The following CCDC12 variants were observed in gnomAD, a reference collection of about 807,000 sequenced individuals.
CCDC12 encodes the protein coiled-coil domain-containing protein 12.
CCDC12 carries 28 observed loss-of-function variants against 25.7 expected under a neutral mutation model. The observed-to-expected ratio is 1.09, with a 90% confidence interval of 0.81 to 1.50. The LOEUF (loss-of-function observed/expected upper bound fraction) is 1.50. Ranked by LOEUF, CCDC12 falls within the 40% of genes most tolerant of loss-of-function variation. The pLI, the probability that CCDC12 is intolerant of heterozygous loss-of-function variation, is 0.00. For missense variants in CCDC12, 198 were observed against 210.0 expected (o/e 0.94, Z 0.35); for synonymous variants, 75 against 87.7 (o/e 0.86, Z 0.81).
At chr3:46,955,199 C>T (rs1192117664) in intron 1 of CCDC12, among the ~76,000 whole-genome samples, 1 of 95,658 alleles carries the variant, frequency 1.0e-5, no homozygotes, top group Non-Finnish European at 2.2e-5. Context: ...TGGACTTGTC[C>T]TCGTGGGCAA....
rs1559545636 is a variant in CCDC12, at chr3:46,922,151, G to A, written c.419-12C>T. On this transcript the variant is annotated splice_polypyrimidine_tract_variant and intron_variant, in intron 6 of 6. Coordinates refer to ENST00000683445, the MANE Select transcript of CCDC12 (RefSeq NM_001277074.2). ...TTTCAGCCTTTCACCTGGGATGGAT[G>A]GCAGACAGAAGGGGTGGGGAGGGGC... 2 of 1,614,290 alleles carry A rather than the reference G, an allele frequency of 1.2e-6. No individual in the cohort carries two copies. Among genetic ancestry groups the A allele is most frequent in the Non-Finnish European group, 1.7e-6 (2 of 1,180,044 alleles).
chr3:46,963,710 G>A (rs374774477), intron 1 of CCDC12, among the ~76,000 whole-genome samples: 60 of 152,102 alleles, frequency 3.9e-4, no homozygotes, highest in Admixed American at 1.0e-3. Flanking sequence ...CGCCAGCCTC[G>A]GCCTCCCGAG....
intron 1 of CCDC12, among the ~76,000 whole-genome samples, chr3:46,943,553 G>C (rs1342000732): frequency 6.6e-6 from 1 of 152,210 alleles, no homozygotes; most frequent in Non-Finnish European, 1.5e-5. Context: ...AGAAGTAGGT[G>C]GGGACTACGG....
chr3:46,971,081 C>T (rs1356460148), intron 1 of CCDC12, among the ~76,000 whole-genome samples: 1 of 151,934 alleles, frequency 6.6e-6, no homozygotes, highest in East Asian at 1.9e-4. Flanking sequence ...AGCATCTCCA[C>T]TCTCACCTCT....
At chr3:46,975,352 T>G (rs2107209811) in intron 1 of CCDC12, among the ~76,000 whole-genome samples, 1 of 151,704 alleles carries the variant, frequency 6.6e-6, no homozygotes, top group African/African-American at 2.4e-5. Flanking sequence ...ACCTGGCTAA[T>G]TTTTGTATTT....
chr3:46,963,461 C>T (rs1386121877), intron 1 of CCDC12, among the ~76,000 whole-genome samples: 1 of 151,774 alleles, frequency 6.6e-6, no homozygotes, highest in Non-Finnish European at 1.5e-5. Context: ...CCCTCTCCCA[C>T]GGTTTCCCTC....
At chr3:46,968,433 G>A (rs899720311) in intron 1 of CCDC12, among the ~76,000 whole-genome samples, 2 of 152,194 alleles carry the variant, frequency 1.3e-5, no homozygotes, top group Non-Finnish European at 2.9e-5. Context: ...AGAGGGTAAA[G>A]AAGAAAGGAC....
At chr3:46,979,664 G>C (rs1161009150), upstream of CCDC12, 2 of 315,864 alleles carry the variant, frequency 6.3e-6, no homozygotes, top group African/African-American at 4.4e-5. Flanking sequence ...GCGGCGGCCG[G>C]CAGTGAGGAG....
intron 1 of CCDC12, among the ~76,000 whole-genome samples, chr3:46,967,912 T>C (rs561553320): frequency 6.6e-6 from 1 of 152,286 alleles, no homozygotes; most frequent in East Asian, 1.9e-4. Context: ...TAAGAATGCA[T>C]GAATTTATAG....
intron 5 of CCDC12, chr3:46,922,618 CAGGGAGTG>C (rs1575532833): frequency 6.6e-6 from 3 of 455,838 alleles, no homozygotes; most frequent in East Asian, 4.4e-5. Context: ...TGGTCACCAT[CAGGGAGTG>C]ACTTGCTCCT....
intron 1 of CCDC12, among the ~76,000 whole-genome samples, chr3:46,952,642 G>A (rs569376042): frequency 6.6e-6 from 1 of 152,116 alleles, no homozygotes; most frequent in African/African-American, 2.4e-5. Context: ...GGGCAGTGCC[G>A]AACCCAAATG....
upstream of CCDC12, among the ~76,000 whole-genome samples, chr3:46,977,733 G>GAAA (rs1474987531): frequency 6.6e-6 from 1 of 152,092 alleles, no homozygotes; most frequent in African/African-American, 2.4e-5. Context: ...AAGTCCTCAG[G>GAAA]GTCAAGTTAC....
intron 2 of CCDC12, among the ~76,000 whole-genome samples, chr3:46,930,915 CTG>C (rs1262665940): frequency 6.6e-6 from 1 of 152,214 alleles, no homozygotes; most frequent in Non-Finnish European, 1.5e-5. Context: ...GGCTGCATGT[CTG>C]TCTTTCACAG....
intron 1 of CCDC12, chr3:46,976,354 C>T (rs1312770194): frequency 2.2e-6 from 3 of 1,354,860 alleles, no homozygotes; most frequent in African/African-American, 1.5e-5. Flanking sequence ...GATACCTACA[C>T]GAGCAACACC....
intron 1 of CCDC12, 71 bp from the exon 2 acceptor site, chr3:46,941,136 C>A: frequency 2.0e-6 from 3 of 1,481,040 alleles, no homozygotes; most frequent in Non-Finnish European, 2.8e-6. Flanking sequence ...GCCCAGGGAG[C>A]TAAAGAACAG....
intron 2 of CCDC12, among the ~76,000 whole-genome samples, chr3:46,936,275 T>C (rs1253499049): frequency 6.6e-6 from 1 of 152,236 alleles, no homozygotes; most frequent in Non-Finnish European, 1.5e-5. Flanking sequence ...CACATTTCCT[T>C]ATTTCTACTC....
intron 2 of CCDC12, among the ~76,000 whole-genome samples, chr3:46,933,271 G>A (rs932144387): frequency 7.2e-5 from 11 of 152,306 alleles, no homozygotes; most frequent in Admixed American, 5.2e-4. Context: ...TACAATTTTA[G>A]GTCACAGGTC....
chr3:46,925,534 C>CT lies in CCDC12; in HGVS notation c.165_166insA (p.Glu56ArgfsTer3). 6.4e-7 allele frequency: 1 copy of CT among 1,572,962 alleles called. No individual in the cohort carries two copies. The highest frequency in any genetic ancestry group is 8.7e-7 in the Non-Finnish European group (1 of 1,154,234). On this transcript the variant is annotated frameshift_variant and splice_region_variant, in exon 3 of 7. Transcript: ENST00000683445. LOFTEE classifies it high-confidence loss of function. ...GGGACATAGTTCCGCAGCCTAAGTT[C>CT]CCTGCAAGAATAGAGGGAACAAGCA... is the stretch of plus-strand genomic sequence containing the variant.
intron 2 of CCDC12, among the ~76,000 whole-genome samples, chr3:46,935,743 T>C (rs1216164769): frequency 1.3e-5 from 2 of 152,146 alleles, no homozygotes; most frequent in African/African-American, 2.4e-5. Context: ...TAGGAATGCA[T>C]CCTTTCTTCC....
Sources: allele counts gnomAD v4.1 joint callset (sites outside exome capture counted in the v4.1 genomes callset), GRCh38; gene constraint gnomAD v4.1.1; transcripts MANE v1.5; gene names NCBI Gene and HGNC (gene_info 2026-07-23, HGNC 2026-07-21).